Variants in LRRC4C observed in about 807,000 individuals in gnomAD.
LRRC4C encodes the protein leucine rich repeat containing 4C.
Under a neutral mutation model 33.6 loss-of-function variants are expected in LRRC4C, and 5 were observed. The observed-to-expected ratio is 0.15, with a 90% CI of 0.08 to 0.31. LRRC4C has a LOEUF of 0.31. Among genes scored for constraint, LRRC4C ranks in the 10% least tolerant of loss-of-function variants. LRRC4C has a pLI of 1.00. For missense variants in LRRC4C, 560 were observed against 796.7 expected, an observed-to-expected ratio of 0.70 and a Z score of 3.58; for synonymous variants, 329 against 302.0, an observed-to-expected ratio of 1.09 and a Z score of -0.93.
chr11:40,690,573 C>T (rs1216067098), intron 2 of LRRC4C, among the ~76,000 whole-genome samples: 1 of 152,022 alleles, frequency 6.6e-6, no homozygotes, highest in Admixed American at 6.6e-5. Context: ...CATATTCAGT[C>T]TCTTAGAACG....
rs183215529 is a variant in LRRC4C at position 40,522,312 on chromosome 11, G to T, written c.-270+125830C>A. On this transcript the variant is annotated intron_variant, in intron 3 of 6. Transcript: ENST00000528697. ...CCCAAAGTGCTGGAATTATAGGCGT[G>T]AGCCCTGGCGCCTGGCCAGAAGATG... is the stretch of plus-strand genomic sequence containing the variant. Among the ~76,000 whole-genome samples, 10 of 152,350 alleles carry T rather than the reference G, an allele frequency of 6.6e-5. No homozygotes were observed. The East Asian group carries it at 1.9e-3, about 29-fold the overall frequency.
In LRRC4C at chr11:40,990,231, T is replaced by TGATATATATA. The variant is rs1555030574; in HGVS notation, c.-495-56509_-495-56508insTATATATATC. 8.9e-5 allele frequency among the ~76,000 whole-genome samples: 7 copies of TGATATATATA among 78,226 alleles called. 1 individual carries two copies. The highest frequency in any genetic ancestry group is 3.1e-4 in the African/African-American group (7 of 22,750). 51.3% of individuals were successfully genotyped at this position (78,226 alleles called of 152,430 possible). A position where few individuals can be genotyped will look rare whatever the true frequency, so the allele number is the denominator to read the frequency against. On this transcript the variant is annotated intron_variant, in intron 1 of 6. Transcript: ENST00000528697. Reference sequence around the variant, plus strand: ...AAATATTTGAATAGTATGTCAAGTTTTATATATATATATATATATATATAT... The same window carrying TGATATATATA: ...AAATATTTGAATAGTATGTCAAGTTTGATATATATATATATATATATATATATATATATAT...
At chr11:40,451,381 T>C in intron 3 of LRRC4C, among the ~76,000 whole-genome samples, 1 of 106,192 alleles carries the variant, frequency 9.4e-6, no homozygotes, top group Admixed American at 1.0e-4. Flanking sequence ...TTTTTTTTTT[T>C]TTTTTTTTTT....
Position 40,273,941 on chromosome 11 carries a change from A to G in LRRC4C, c.-175-32343T>C, listed in dbSNP as rs143131643. Among the ~76,000 whole-genome samples the G allele has an allele frequency of 2.4e-3, 369 of 152,168 alleles. 5 individuals carry two copies. Among genetic ancestry groups the G allele is most frequent in the African/African-American group, 8.4e-3 (350 of 41,542 alleles). On this transcript the variant is annotated intron_variant, in intron 4 of 6. Coordinates refer to ENST00000528697, the MANE Select transcript of LRRC4C (RefSeq NM_001258419.2). Reference sequence around the variant, plus strand: ...AGGTGAGGATTTCAACCAAGAGTTTAGTCTATTTTCCCCACGAGGTAGGGG... The same window carrying G: ...AGGTGAGGATTTCAACCAAGAGTTTGGTCTATTTTCCCCACGAGGTAGGGG...
chr11:40,982,693 A>G (rs780047049), intron 1 of LRRC4C, among the ~76,000 whole-genome samples: 3 of 152,092 alleles, frequency 2.0e-5, no homozygotes, highest in Non-Finnish European at 4.4e-5. Context: ...TAAGGGGTAC[A>G]TTTGCAAGAT....
At chr11:40,504,998 G>T (rs1954962161) in intron 3 of LRRC4C, among the ~76,000 whole-genome samples, 1 of 152,158 alleles carries the variant, frequency 6.6e-6, no homozygotes, top group Non-Finnish European at 1.5e-5. Context: ...TCAGGCTCAA[G>T]TCTTCTAGTG....
intron 3 of LRRC4C, among the ~76,000 whole-genome samples, chr11:40,491,064 A>G (rs1954125079): frequency 6.6e-6 from 1 of 152,130 alleles, no homozygotes. Context: ...TGGGCAGATC[A>G]TTTGAGGCCA....
intron 2 of LRRC4C, among the ~76,000 whole-genome samples, chr11:40,777,348 C>A (rs1950041332): frequency 6.6e-6 from 1 of 151,926 alleles, no homozygotes; most frequent in Non-Finnish European, 1.5e-5. Flanking sequence ...TAATTATGTC[C>A]CTGCCTACAT....
intron 3 of LRRC4C, among the ~76,000 whole-genome samples, chr11:40,629,660 ATAGGCACTTGATAGAATG>A (rs1963283647): frequency 6.6e-6 from 1 of 152,184 alleles, no homozygotes; most frequent in South Asian, 2.1e-4. Flanking sequence ...AACATTGAGT[ATAGGCACTTGATAGAATG>A]TAGATTTCCC....
At chr11:41,348,277 C>A (rs1243167201) in intron 1 of LRRC4C, among the ~76,000 whole-genome samples, 4 of 152,038 alleles carry the variant, frequency 2.6e-5, no homozygotes, top group African/African-American at 9.7e-5. Context: ...TAACTCCATT[C>A]CATAAAACAT....
chr11:40,918,429 A>G (rs1957048603), intron 2 of LRRC4C, among the ~76,000 whole-genome samples: 1 of 151,844 alleles, frequency 6.6e-6, no homozygotes, highest in African/African-American at 2.4e-5. Flanking sequence ...TAAAATGAAC[A>G]ACTTGACCTA....
intron 2 of LRRC4C, among the ~76,000 whole-genome samples, chr11:40,907,185 G>A (rs1956461046): frequency 6.6e-6 from 1 of 152,214 alleles, no homozygotes; most frequent in South Asian, 2.1e-4. Context: ...TATAGCCATT[G>A]ACAGAGACTG....
chr11:40,772,173 A>C (rs949442478), intron 2 of LRRC4C, among the ~76,000 whole-genome samples: 13 of 152,312 alleles, frequency 8.5e-5, no homozygotes, highest in Non-Finnish European at 1.6e-4. Flanking sequence ...GCCTCAGGAA[A>C]CTTACAATCA....
chr11:40,959,400 C>A (rs1162692729), intron 1 of LRRC4C, among the ~76,000 whole-genome samples: 1 of 151,338 alleles, frequency 6.6e-6, no homozygotes, highest in Non-Finnish European at 1.5e-5. Flanking sequence ...CCTGGCAAAC[C>A]AAGACACTTG....
chr11:41,234,011 T>TCAGAAATGCAGATGTG (rs1454137737), intron 1 of LRRC4C, among the ~76,000 whole-genome samples: 1 of 150,614 alleles, frequency 6.6e-6, no homozygotes, highest in Non-Finnish European at 1.5e-5. Context: ...AGCAGGGAAG[T>TCAGAAATGCAGATGTG]CAGAAATGCA....
intron 2 of LRRC4C, among the ~76,000 whole-genome samples, chr11:40,719,150 C>T (rs1362912000): frequency 6.6e-6 from 1 of 152,130 alleles, no homozygotes; most frequent in Non-Finnish European, 1.5e-5. Context: ...TTCCTTCTTG[C>T]TGTCAAAAGA....
chr11:40,202,438 T>C (rs999447792), intron 5 of LRRC4C, among the ~76,000 whole-genome samples: 2 of 152,116 alleles, frequency 1.3e-5, no homozygotes, highest in African/African-American at 4.8e-5. Flanking sequence ...AGAGGAAAGC[T>C]GAGTTATAAT....
intron 1 of LRRC4C, among the ~76,000 whole-genome samples, chr11:41,328,511 C>T (rs907832777): frequency 6.6e-6 from 1 of 152,116 alleles, no homozygotes; most frequent in African/African-American, 2.4e-5. Context: ...TCCACCCAGG[C>T]CAACACTGCT....
intron 2 of LRRC4C, among the ~76,000 whole-genome samples, chr11:40,901,997 TCTACAC>T (rs1248785401): frequency 5.9e-5 from 8 of 136,146 alleles, no homozygotes; most frequent in African/African-American, 1.8e-4. Context: ...TCTCTCTCTC[TCTACAC>T]ACACACACAC....
Sources: gnomAD v4.1 joint callset for allele counts (sites outside exome capture counted in the v4.1 genomes callset) on GRCh38, gnomAD v4.1.1 for gene constraint, MANE v1.5 for transcripts, NCBI Gene and HGNC (gene_info 2026-07-23, HGNC 2026-07-21) for gene names.